RBFOX3: variants seen among roughly 807,000 people sequenced by gnomAD.
The protein encoded by RBFOX3 is RNA binding fox-1 homolog 3, also known as RNA binding protein fox-1 homolog 3.
RBFOX3 carries 17 observed loss-of-function variants against 48.7 expected under a neutral mutation model. That is an observed-to-expected ratio of 0.35 (90% confidence interval 0.24 to 0.52). RBFOX3 has a LOEUF of 0.52. Ranked by LOEUF, RBFOX3 falls within the 20% of genes least tolerant of loss-of-function variation. The probability of loss-of-function intolerance (pLI) is 0.94; values close to 1 mark genes in which losing one functional copy is unlikely to be tolerated. For missense variants in RBFOX3, 382 were observed against 497.5 expected (o/e 0.77, Z 2.21); for synonymous variants, 212 against 209.5 (o/e 1.01, Z -0.10).
chr17:79,349,233 C>T lies in RBFOX3; in HGVS notation c.-174-41409G>A, dbSNP rs148615185. Among the ~76,000 whole-genome samples the T allele has an allele frequency of 6.6e-4, 100 of 152,190 alleles. 1 individual carries two copies. Among genetic ancestry groups the T allele is most frequent in the African/African-American group, 2.2e-3 (91 of 41,538 alleles). On this transcript the variant is annotated intron_variant, in intron 2 of 14. Coordinates refer to ENST00000693108, the MANE Select transcript of RBFOX3 (RefSeq NM_001350451.2). ...GACCTATCCCTGCTCAGCCCCTGCA[C>T]GTGCCTTCCACTGAGCTGTGGGCTG...
chr17:79,528,734 C>T (rs892580102), intron 1 of RBFOX3, among the ~76,000 whole-genome samples: 3 of 152,144 alleles, frequency 2.0e-5, no homozygotes, highest in South Asian at 2.1e-4. Context: ...GCCACCGTCA[C>T]GGAGCACTGC....
chr17:79,151,938 A>G (rs926652361), intron 4 of RBFOX3, among the ~76,000 whole-genome samples: 1 of 19,734 alleles, frequency 5.1e-5, no homozygotes, highest in African/African-American at 1.3e-4. Context: ...GGACCTACAG[A>G]GGGAGGCGCG....
intron 4 of RBFOX3, among the ~76,000 whole-genome samples, chr17:79,191,208 C>G (rs1427743020): frequency 6.6e-6 from 1 of 152,180 alleles, no homozygotes; most frequent in South Asian, 2.1e-4. Flanking sequence ...ATCCCTTCCT[C>G]CAGCACTGGG....
At position 79,090,469 on chromosome 17, in the gene RBFOX3, G is replaced by T. The variant is rs907423512; in HGVS notation, c.*414C>A. 3 of 185,424 alleles carry T rather than the reference G, an allele frequency of 1.6e-5. No homozygotes were observed. Among genetic ancestry groups the T allele is most frequent in the Non-Finnish European group, 3.3e-5 (3 of 89,966 alleles). 11.5% of individuals were successfully genotyped at this position (185,424 alleles called of 1,614,324 possible). A position where few individuals can be genotyped will look rare whatever the true frequency, so the allele number is the denominator to read the frequency against. On this transcript the variant is annotated 3_prime_UTR_variant, in exon 15 of 15. Coordinates refer to ENST00000693108, the MANE Select transcript of RBFOX3 (RefSeq NM_001350451.2). Reference sequence around the variant, plus strand: ...TAGCAGCGCCTGCCTGCTCAGGCCCGGGCCTGCTCCGCCGCCGCTGGGCTC... The same window carrying T: ...TAGCAGCGCCTGCCTGCTCAGGCCCTGGCCTGCTCCGCCGCCGCTGGGCTC...
At chr17:79,134,563 A>C (rs2143601758) in intron 4 of RBFOX3, among the ~76,000 whole-genome samples, 1 of 152,308 alleles carries the variant, frequency 6.6e-6, no homozygotes, top group African/African-American at 2.4e-5. Flanking sequence ...CTGCTCCTCA[A>C]AGTCTGGACT....
chr17:79,259,206 G>A (rs1051891435), intron 3 of RBFOX3, among the ~76,000 whole-genome samples: 5 of 152,204 alleles, frequency 3.3e-5, no homozygotes, highest in African/African-American at 4.8e-5. Flanking sequence ...GACCCAATAC[G>A]CAGCTGGTGT....
chr17:79,642,023 T>C, the RBFOX3 span, among the ~76,000 whole-genome samples: 1 of 152,162 alleles, frequency 6.6e-6, no homozygotes, highest in Non-Finnish European at 1.5e-5. Flanking sequence ...CCTCTTTTTT[T>C]AATGAGTTAC....
chr17:79,360,086 G>T (rs2086014171), intron 2 of RBFOX3, among the ~76,000 whole-genome samples: 2 of 151,784 alleles, frequency 1.3e-5, no homozygotes, highest in Admixed American at 1.3e-4. Context: ...CTTATGACTG[G>T]GTGTTTGCCT....
intron 2 of RBFOX3, among the ~76,000 whole-genome samples, chr17:79,376,958 C>T (rs1203974654): frequency 2.0e-5 from 3 of 152,184 alleles, no homozygotes; most frequent in African/African-American, 4.8e-5. Flanking sequence ...CACCTGCCCT[C>T]CCGCCAGTAC....
intron 3 of RBFOX3, among the ~76,000 whole-genome samples, chr17:79,253,645 G>A (rs749794419): frequency 5.9e-5 from 9 of 152,180 alleles, no homozygotes; most frequent in Non-Finnish European, 7.3e-5. Context: ...AGAGGGTGCC[G>A]GGGAAAGGGG....
chr17:79,092,613 C>A, intron 14 of RBFOX3: 1 of 987,034 alleles, frequency 1.0e-6, no homozygotes. Flanking sequence ...GGGGGTGAAG[C>A]GGCTGTACCC....
Position 79,471,884 on chromosome 17 carries a change from A to C in RBFOX3, c.-175+10570T>G, listed in dbSNP as rs1407310406. Among the ~76,000 whole-genome samples the C allele has an allele frequency of 2.6e-5, 4 of 152,208 alleles. No individual in the cohort carries two copies. The highest frequency in any genetic ancestry group is 4.4e-5 in the Non-Finnish European group (3 of 68,040). Reference sequence around the variant, plus strand: ...AGAACACTTCAAGAGAGGCGACTAAATCTCCACCAAGCACATTATATCAAA... The same window carrying C: ...AGAACACTTCAAGAGAGGCGACTAACTCTCCACCAAGCACATTATATCAAA... On this transcript the variant is annotated intron_variant, in intron 2 of 14. Coordinates refer to ENST00000693108, the MANE Select transcript of RBFOX3 (RefSeq NM_001350451.2). This position sits in a 1 kb window ranked among gnomAD's most constrained non-coding sequence, Gnocchi z 4.0.
At chr17:79,337,695 G>A (rs1280744594) in intron 2 of RBFOX3, among the ~76,000 whole-genome samples, 1 of 152,080 alleles carries the variant, frequency 6.6e-6, no homozygotes, top group Non-Finnish European at 1.5e-5. Flanking sequence ...AAGACCAGCT[G>A]AACCCGTGAG....
intron 6 of RBFOX3, among the ~76,000 whole-genome samples, chr17:79,104,609 G>A (rs1226697006): frequency 6.6e-6 from 1 of 152,208 alleles, no homozygotes; most frequent in Non-Finnish European, 1.5e-5. Flanking sequence ...AAAGGGTAAA[G>A]GTCTGCTTTG....
intron 1 of RBFOX3, among the ~76,000 whole-genome samples, chr17:79,483,341 C>A (rs1404618200): frequency 6.6e-6 from 1 of 151,700 alleles, no homozygotes. Context: ...GGCTTCCTGG[C>A]CATCCCTCCA....
intron 2 of RBFOX3, among the ~76,000 whole-genome samples, chr17:79,463,052 T>TC (rs2075618927): frequency 2.6e-5 from 3 of 114,834 alleles, no homozygotes; most frequent in African/African-American, 9.7e-5. Flanking sequence ...CACTGCCACC[T>TC]CCACCGCCAT....
intron 3 of RBFOX3, among the ~76,000 whole-genome samples, chr17:79,306,307 C>T (rs2076086916): frequency 6.6e-6 from 1 of 152,266 alleles, no homozygotes; most frequent in African/African-American, 2.4e-5. Context: ...CGGCACTCAG[C>T]AGTGCTAGCT....
At chr17:79,546,281 C>A (rs868945365) in intron 1 of RBFOX3, among the ~76,000 whole-genome samples, 1 of 152,156 alleles carries the variant, frequency 6.6e-6, no homozygotes, top group Non-Finnish European at 1.5e-5. Context: ...AGCTTGACAC[C>A]CCAGAAAGGA....
chr17:79,215,524 G>A (rs908038091), intron 4 of RBFOX3, among the ~76,000 whole-genome samples: 4 of 152,130 alleles, frequency 2.6e-5, no homozygotes, highest in African/African-American at 9.7e-5. Flanking sequence ...CCTTTCCAGG[G>A]CACTGCTGAC....
Sources: allele counts gnomAD v4.1 joint callset (sites outside exome capture counted in the v4.1 genomes callset), GRCh38; gene constraint gnomAD v4.1.1; non-coding constraint Gnocchi (gnomAD v3.1); transcripts MANE v1.5; gene names NCBI Gene and HGNC (gene_info 2026-07-23, HGNC 2026-07-21).